Variants in METTL27 observed in about 807,000 individuals in gnomAD.
METTL27 encodes methyltransferase-like protein 27.
In METTL27, 29 loss-of-function variants were observed where a neutral mutation model predicts 24.5. That is an observed-to-expected ratio of 1.18 (90% CI 0.88 to 1.61). METTL27 has a LOEUF of 1.61. METTL27 is among the 40% of genes most tolerant of loss of function. The pLI is 0.00. For synonymous variants in METTL27, 138 were observed against 146.8 expected, an observed-to-expected ratio of 0.94 and a Z score of 0.43; for missense variants, 341 against 324.3, an observed-to-expected ratio of 1.05 and a Z score of -0.40.
chr7:73,837,413 T>C (rs1788241532), intron 5 of METTL27, among the ~76,000 whole-genome samples: 1 of 145,386 alleles, frequency 6.9e-6, no homozygotes, highest in Non-Finnish European at 1.5e-5. Context: ...CACTGTAACC[T>C]AATCCCATAC....
In METTL27 at chr7:73,840,065, G is replaced by T; in HGVS notation, c.444C>A (p.Cys148Ter). The T allele has an allele frequency of 6.2e-7, 1 of 1,612,258 alleles. No homozygotes were observed. Among genetic ancestry groups the T allele is most frequent in the South Asian group, 1.1e-5 (1 of 90,918 alleles). Reference protein sequence around the residue: ...VGALSDGQVPCNAIPELHVTK... With the variant: ...VGALSDGQVP ...TGACATGTAGCTCAGGTATCGCATT[G>T]CAGGGCACCTGGCCGTCACTGAGGG... is the stretch of plus-strand genomic sequence containing the variant. The change falls in exon 5 of 6, where the codon TGC becomes TGA. Residue 148 changes from cysteine (C) to a stop codon, truncating the protein, a stop_gained. Coordinates refer to ENST00000297873, the MANE Select transcript of METTL27 (RefSeq NM_152559.3). LOFTEE classifies it high-confidence loss of function.
chr7:73,834,999 C>T lies in METTL27; in HGVS notation c.482G>A (p.Gly161Glu), dbSNP rs781820898. 4.2e-5 allele frequency: 68 copies of T among 1,610,024 alleles called. No individual in the cohort carries two copies. Among genetic ancestry groups the T allele is most frequent in the Non-Finnish European group, 5.5e-5 (65 of 1,178,984 alleles). Residue 161 changes from glycine to glutamate, a missense_variant, in exon 6 of 6, where the codon GGG (glycine) becomes GAG (glutamate). Coordinates refer to ENST00000297873, the MANE Select transcript of METTL27 (RefSeq NM_152559.3). ...GGTCCTGGTGGTCAGACACACCAGC[C>T]CACCTGGGGGAGAGGGGTAGGTGAG... ...IPELHVTKPG[G>E]LVCLTTRTNS... is the part of the protein sequence containing the mutation.
chr7:73,836,294 GC>G (rs1186587000), intron 5 of METTL27, among the ~76,000 whole-genome samples: 2 of 94,388 alleles, frequency 2.1e-5, no homozygotes, highest in Non-Finnish European at 4.9e-5. Context: ...TCAGCCCCCC[GC>G]CCGGCCAGCT....
At position 73,841,298 on chromosome 7, in the gene METTL27, TTGGGGATCAAGCCTGGC is replaced by T. The variant is rs1480011777; in HGVS notation, c.124-117_124-101del. The T allele has an allele frequency of 5.6e-5, 83 of 1,470,650 alleles. No homozygotes were observed. The African/African-American group carries it at 1.1e-3, about 19-fold the overall frequency. 91.1% of individuals were successfully genotyped at this position (1,470,650 alleles called of 1,614,324 possible). Reference sequence around the variant, plus strand: ...AGTCTGCCAGGCTAAGCTGTGTGTGTTGGGGATCAAGCCTGGCTGGGGCTAGCGTGAGGGGACGCCCA... The same window carrying T: ...AGTCTGCCAGGCTAAGCTGTGTGTGTTGGGGCTAGCGTGAGGGGACGCCCA... On this transcript the variant is annotated intron_variant, in intron 2 of 5. Coordinates refer to ENST00000297873, the MANE Select transcript of METTL27 (RefSeq NM_152559.3).
In METTL27 at chr7:73,840,567, G is replaced by A. The variant is rs782676740; in HGVS notation, c.253-18C>T. The A allele has an allele frequency of 6.4e-7, 1 of 1,568,040 alleles. No individual in the cohort carries two copies. The highest frequency in any genetic ancestry group is 1.8e-5 in the Admixed American group (1 of 54,054). On this transcript the variant is annotated intron_variant, in intron 3 of 5. Coordinates refer to ENST00000297873, the MANE Select transcript of METTL27 (RefSeq NM_152559.3). ...GCCCGCAGCTGGGGTAGGGGTGGGA[G>A]ACTCAGTCATGGTTCACACCTGCCA... is the stretch of plus-strand genomic sequence containing the variant.
chr7:73,836,179 A>T (rs71539225), intron 5 of METTL27, among the ~76,000 whole-genome samples: 7 of 58,996 alleles, frequency 1.2e-4, no homozygotes, highest in East Asian at 1.1e-3. Flanking sequence ...GGAGGGAGGT[A>T]GGGGGGTCAG....
Position 73,840,073 on chromosome 7 carries a change from C to T in METTL27, c.436G>A (p.Val146Met). The T allele has an allele frequency of 6.2e-7, 1 of 1,611,696 alleles. No individual in the cohort carries two copies. Among genetic ancestry groups the T allele is most frequent in the Non-Finnish European group, 8.5e-7 (1 of 1,179,346 alleles). The change falls in exon 5 of 6, where the codon GTG becomes ATG. Residue 146 changes from valine to methionine, a missense_variant. Coordinates refer to ENST00000297873, the MANE Select transcript of METTL27 (RefSeq NM_152559.3). Reference sequence around the variant, plus strand: ...AGCTCAGGTATCGCATTGCAGGGCACCTGGCCGTCACTGAGGGCACCGACT... The same window carrying T: ...AGCTCAGGTATCGCATTGCAGGGCATCTGGCCGTCACTGAGGGCACCGACT... The part of the protein sequence containing the change: ...LIVGALSDGQ[V>M]PCNAIPELHV...
At chr7:73,842,181 T>C (rs1563654254) in intron 1 of METTL27, 37 bp from the exon 2 acceptor site, 1 of 1,573,250 alleles carries the variant, frequency 6.4e-7, no homozygotes, top group Non-Finnish European at 8.6e-7. Flanking sequence ...GAGGTCCACC[T>C]CAATCGCCCA....
At position 73,842,110 on chromosome 7, in the gene METTL27, CGGGCAGGCTCCCACCCTCCTCCTG is replaced by C; in HGVS notation, c.7_30del (p.Gln3_Pro10del). 1 of 1,613,070 alleles carries C rather than the reference CGGGCAGGCTCCCACCCTCCTCCTG, an allele frequency of 6.2e-7. No homozygotes were observed. Among genetic ancestry groups the C allele is most frequent in the Non-Finnish European group, 8.5e-7 (1 of 1,179,888 alleles). Reference sequence around the variant, plus strand: ...GCGGCCCTGACCCGCGCCCGCACCTCGGGCAGGCTCCCACCCTCCTCCTGGGCCATGCTCCTGTGGGGACACCGT... The same window carrying C: ...GCGGCCCTGACCCGCGCCCGCACCTCGGCCATGCTCCTGTGGGGACACCGT... On this transcript the variant is annotated inframe_deletion, in exon 2 of 6. Transcript: ENST00000297873.
chr7:73,840,140 G>GA lies in METTL27; in HGVS notation c.389-21_389-20insT. On this transcript the variant is annotated intron_variant, in intron 4 of 5. Coordinates refer to ENST00000297873, the MANE Select transcript of METTL27 (RefSeq NM_152559.3). Reference sequence around the variant, plus strand: ...AGGTCCCTGTGTGTGTGTGGGGGGGGGTGGGGACATGGTGTGATGCTTGGA... The same window carrying GA: ...AGGTCCCTGTGTGTGTGTGGGGGGGGAGTGGGGACATGGTGTGATGCTTGGA... 2 of 1,437,880 alleles carry GA rather than the reference G, an allele frequency of 1.4e-6. No individual in the cohort carries two copies. The highest frequency in any genetic ancestry group is 1.9e-6 in the Non-Finnish European group (2 of 1,041,798). The allele number at this position is 1,437,880 out of a possible 1,614,324, so 89.1% of individuals were successfully genotyped here. A position where few individuals can be genotyped will look rare whatever the true frequency, so the allele number is the denominator to read the frequency against.
intron 5 of METTL27, 58 bp downstream of exon 5, chr7:73,839,973 C>T: frequency 1.3e-6 from 2 of 1,507,172 alleles, no homozygotes; most frequent in Non-Finnish European, 9.1e-7. Context: ...CTGCACTATG[C>T]ACAGGGGAAG....
chr7:73,835,798 A>C (rs1339722011), intron 5 of METTL27, among the ~76,000 whole-genome samples: 1 of 90,706 alleles, frequency 1.1e-5, no homozygotes, highest in African/African-American at 3.7e-5. Flanking sequence ...CATCACATCT[A>C]GGAAGTGAGG....
chr7:73,842,362 G>A, intron 1 of METTL27, 128 bp downstream of exon 1: 2 of 678,868 alleles, frequency 2.9e-6, no homozygotes, highest in South Asian at 5.3e-5. Flanking sequence ...CAAGGTGGGA[G>A]AAGGGGGTGC....
intron 3 of METTL27, 54 bp from the exon 4 acceptor site, chr7:73,840,603 G>A: frequency 6.6e-7 from 1 of 1,526,426 alleles, no homozygotes. Context: ...CTTCCCGGCT[G>A]GGTCCCTGCA....
Position 73,840,313 on chromosome 7 carries a change from T to C in METTL27, c.388+101A>G, listed in dbSNP as rs1788315345. The C allele has an allele frequency of 3.3e-6, 5 of 1,523,660 alleles. No homozygotes were observed. The African/African-American group carries it at 6.9e-5, about 21-fold the overall frequency. The allele number at this position is 1,523,660 out of a possible 1,614,324, so 94.4% of individuals were successfully genotyped here. A position where few individuals can be genotyped will look rare whatever the true frequency, so the allele number is the denominator to read the frequency against. On this transcript the variant is annotated intron_variant, in intron 4 of 5. Transcript: ENST00000297873. ...TCAGATCGTGGGGTGCAGGGTTGAG[T>C]GAGGGACTGGGAGCTTAGTGTGGGA...
Position 73,834,652 on chromosome 7 carries a change from C to T in METTL27, c.*91G>A. On this transcript the variant is annotated 3_prime_UTR_variant, in exon 6 of 6. Coordinates refer to ENST00000297873, the MANE Select transcript of METTL27 (RefSeq NM_152559.3). ...AGGGGCAGGGTTGGTTCGGAGGTCC[C>T]ATTTTACAGGGGAGGCAGAGGAGGC... 8.3e-7 allele frequency: 1 copy of T among 1,211,380 alleles called. No homozygotes were observed. The allele number at this position is 1,211,380 out of a possible 1,614,324, so 75.0% of individuals were successfully genotyped here.
At chr7:73,835,236 CCTCTCCCTCTCTTT>C in intron 5 of METTL27, among the ~76,000 whole-genome samples, 1 of 143,108 alleles carries the variant, frequency 7.0e-6, no homozygotes, top group Non-Finnish European at 1.5e-5. Flanking sequence ...CCACGGTCTC[CCTCTCCCTCTCTTT>C]CCACGGTCTC....
rs1307707897 is a variant in METTL27, at chr7:73,842,357, T to TG, written c.-5+132dup. 2.2e-5 allele frequency: 16 copies of TG among 720,744 alleles called. No homozygotes were observed. The African/African-American group carries it at 2.8e-4, about 13-fold the overall frequency. The allele number at this position is 720,744 out of a possible 1,614,324, so 44.6% of individuals were successfully genotyped here. ...CTGCAGGGCTGGGGGAAGGGCAAGG[T>TG]GGGAGAAGGGGGTGCCCCGCGGCTG... On this transcript the variant is annotated intron_variant, in intron 1 of 5. Transcript: ENST00000297873.
rs782485157 is a variant in METTL27, at chr7:73,834,915, T to G, written c.566A>C (p.Gln189Pro). Residue 189 changes from glutamine to proline, a missense_variant, in exon 6 of 6, where the codon CAG (glutamine) becomes CCG (proline). Gln to Pro is a moderately conservative substitution (Grantham distance 76). Coordinates refer to ENST00000297873, the MANE Select transcript of METTL27 (RefSeq NM_152559.3). ...ALEATLDRLEQAGMWEGLVAW... is the reference protein window; with the variant it reads ...ALEATLDRLEPAGMWEGLVAW... ...CACCAGGCCTTCCCACATCCCAGCC[T>G]GCTCCAGCCTGTCCAGGGTGGCCTC... is the stretch of plus-strand genomic sequence containing the variant. 1.9e-6 allele frequency: 3 copies of G among 1,613,946 alleles called. No homozygotes were observed. The East Asian group carries it at 6.7e-5, about 36-fold the overall frequency.
Sources: allele counts gnomAD v4.1 joint callset (sites outside exome capture counted in the v4.1 genomes callset), GRCh38; gene constraint gnomAD v4.1.1; transcripts MANE v1.5; gene names NCBI Gene and HGNC (gene_info 2026-07-23, HGNC 2026-07-21).